KNL1: variants seen among roughly 807,000 people sequenced by gnomAD.
The protein encoded by KNL1 is outer kinetochore KNL1 complex subunit KNL1.
In KNL1, 66 loss-of-function variants were observed where a neutral mutation model predicts 201.3. That is an observed-to-expected ratio of 0.33 (90% CI 0.27 to 0.40). KNL1 has a LOEUF of 0.40. Ranked by LOEUF, KNL1 falls within the 10% of genes least tolerant of loss-of-function variation. KNL1 has a pLI of 1.00. For synonymous variants in KNL1, 895 were observed against 899.2 expected (o/e 1.00, Z 0.08); for missense variants, 2,815 against 2,690.5 (o/e 1.05, Z -1.02).
rs1210486298 is a variant in KNL1, at chr15:40,628,541, A to G, written c.5516-70A>G. 8.4e-6 allele frequency: 9 copies of G among 1,075,830 alleles called. No individual in the cohort carries two copies. The East Asian group carries it at 1.9e-4, about 23-fold the overall frequency. 66.6% of individuals were successfully genotyped at this position (1,075,830 alleles called of 1,614,324 possible). A position where few individuals can be genotyped will look rare whatever the true frequency, so the allele number is the denominator to read the frequency against. On this transcript the variant is annotated intron_variant, in intron 11 of 25. Transcript: ENST00000399668. ...TAGCTTCAGGATCAGAAACAATCTG[A>G]ATGATAACCACAATTAAGTTCACAG...
intron 13 of KNL1, 108 bp from the exon 14 acceptor site, chr15:40,640,804 T>C: frequency 2.8e-6 from 2 of 708,882 alleles, no homozygotes; most frequent in South Asian, 3.2e-5. Flanking sequence ...TATTCAAATT[T>C]TTCTTTGTAG....
intron 13 of KNL1, among the ~76,000 whole-genome samples, chr15:40,638,071 C>G (rs2056548047): frequency 6.6e-6 from 1 of 151,972 alleles, no homozygotes; most frequent in Admixed American, 6.6e-5. Flanking sequence ...GTCCCAGCTA[C>G]TCGGGAGACT....
chr15:40,617,336 T>G (rs142360486), intron 8 of KNL1, among the ~76,000 whole-genome samples: 2 of 152,152 alleles, frequency 1.3e-5, no homozygotes, highest in East Asian at 3.9e-4. Flanking sequence ...TTCACTTCAC[T>G]TAGTTTAACT....
chr15:40,622,628 A>G lies in KNL1; in HGVS notation c.2364A>G (p.Glu788=). The change falls in exon 10 of 26, where the codon GAA becomes GAG. Residue 788 remains glutamate, a synonymous_variant. Transcript: ENST00000399668. ...AAGAACTTGGTAAAACTAATTTAGA[A>G]CACACTACTGGCCAGCTAACAACAA... The part of the protein sequence containing the change: ...ELQELGKTNL[E]HTTGQLTTMN... The G allele has an allele frequency of 6.2e-7, 1 of 1,601,072 alleles. No homozygotes were observed. Among genetic ancestry groups the G allele is most frequent in the African/African-American group, 1.3e-5 (1 of 74,440 alleles).
chr15:40,625,792 G>C, intron 10 of KNL1, 152 bp downstream of exon 10: 2 of 592,702 alleles, frequency 3.4e-6, no homozygotes, highest in Non-Finnish European at 5.9e-6. Context: ...TTCTTATGTA[G>C]AACCTTCAGA....
intron 2 of KNL1, 57 bp downstream of exon 2, chr15:40,603,023 C>T: frequency 8.6e-7 from 1 of 1,163,908 alleles, no homozygotes; most frequent in Non-Finnish European, 1.3e-6. Flanking sequence ...AGATATTTTT[C>T]TAATTAGTAA....
intron 7 of KNL1, among the ~76,000 whole-genome samples, chr15:40,612,775 C>G (rs1303481190): frequency 6.6e-6 from 1 of 152,022 alleles, no homozygotes; most frequent in Non-Finnish European, 1.5e-5. Flanking sequence ...CTTTGGCCTC[C>G]TAAAGTGCTG....
At chr15:40,616,100 A>T (rs1892335590) in intron 8 of KNL1, among the ~76,000 whole-genome samples, 1 of 149,842 alleles carries the variant, frequency 6.7e-6, no homozygotes, top group African/African-American at 2.5e-5. Flanking sequence ...CTTCAATTTA[A>T]AATTTCACAG....
intron 13 of KNL1, among the ~76,000 whole-genome samples, chr15:40,640,098 C>CTTTTTTTTTTTTTTTTTTTTTCCTTTT (rs544723388): frequency 8.0e-6 from 1 of 124,506 alleles, no homozygotes; most frequent in Non-Finnish European, 1.7e-5. Context: ...TTTTTCTTTT[C>CTTTTTTTTTTTTTTTTTTTTTCCTTTT]TTTTTTTTTT....
chr15:40,644,991 T>C lies in KNL1; in HGVS notation c.5799-6T>C, dbSNP rs1311991425. On this transcript the variant is annotated splice_polypyrimidine_tract_variant and splice_region_variant and intron_variant, in intron 14 of 25. Transcript: ENST00000399668. ...TACAGTGCTAATTAACTTTTCCGTA[T>C]TTTAGATTAAAGCTTTCTGCATCGA... 1.9e-6 allele frequency: 3 copies of C among 1,600,868 alleles called. No individual in the cohort carries two copies. The South Asian group carries it at 3.3e-5, about 18-fold the overall frequency.
intron 7 of KNL1, 46 bp from the exon 8 acceptor site, chr15:40,615,295 G>T (rs749488178): frequency 3.6e-6 from 2 of 548,212 alleles, no homozygotes; most frequent in Non-Finnish European, 6.3e-6. Context: ...AAGATTCTTG[G>T]TAATTGTTTG....
At position 40,663,433 on chromosome 15, in the gene KNL1, ATGT is replaced by A. The variant is rs1459685639; in HGVS notation, c.*1250_*1252del. The A allele has an allele frequency of 2.2e-5, 4 of 183,872 alleles. No homozygotes were observed. Among genetic ancestry groups the A allele is most frequent in the Non-Finnish European group, 4.6e-5 (4 of 86,566 alleles). The allele number at this position is 183,872 out of a possible 1,614,324, so 11.4% of individuals were successfully genotyped here. On this transcript the variant is annotated 3_prime_UTR_variant, in exon 26 of 26. Transcript: ENST00000399668. ...CTAGTACATATATGTAAATATATTAATGTTGTTTTTGTGTTTGTGATGTAGTAA... is the reference window on the plus strand; with the variant it reads ...CTAGTACATATATGTAAATATATTAATGTTTTTGTGTTTGTGATGTAGTAA...
At chr15:40,616,151 T>A (rs926062611) in intron 8 of KNL1, among the ~76,000 whole-genome samples, 1 of 151,066 alleles carries the variant, frequency 6.6e-6, no homozygotes, top group African/African-American at 2.4e-5. Context: ...GAGATGAATT[T>A]TCATTCTTGT....
chr15:40,631,647 G>T (rs985981676), intron 13 of KNL1, among the ~76,000 whole-genome samples: 1 of 151,950 alleles, frequency 6.6e-6, no homozygotes, highest in Non-Finnish European at 1.5e-5. Flanking sequence ...CCACAAAAAA[G>T]ATAGGAAGAT....
chr15:40,623,001 G>T lies in KNL1; in HGVS notation c.2737G>T (p.Asp913Tyr). ...ETILYTCRQD[D>Y]MEITRSHTTA... is the part of the protein sequence containing the mutation. ...TATTTTATATACATGTAGGCAGGAT[G>T]ACATGGAGATCACTAGAAGTCACAC... Residue 913 changes from aspartate (D) to tyrosine (Y), a missense_variant, in exon 10 of 26, where the codon GAC (aspartate) becomes TAC (tyrosine). Physicochemically the swap from Asp to Tyr is radical, Grantham distance 160 (BLOSUM62 -3). Coordinates refer to ENST00000399668, the MANE Select transcript of KNL1 (RefSeq NM_144508.5). 1 of 1,613,932 alleles carries T rather than the reference G, an allele frequency of 6.2e-7. No individual in the cohort carries two copies. Among genetic ancestry groups the T allele is most frequent in the Non-Finnish European group, 8.5e-7 (1 of 1,179,850 alleles).
intron 7 of KNL1, among the ~76,000 whole-genome samples, chr15:40,614,606 T>C (rs185534463): frequency 6.6e-5 from 10 of 152,172 alleles, no homozygotes; most frequent in African/African-American, 2.4e-4. Flanking sequence ...CTTGCAGAAA[T>C]TTTTTTTGTA....
At position 40,622,255 on chromosome 15, in the gene KNL1, A is replaced by G. The variant is rs1470674611; in HGVS notation, c.1991A>G (p.Gln664Arg). The G allele has an allele frequency of 2.5e-6, 4 of 1,614,056 alleles. No homozygotes were observed. The highest frequency in any genetic ancestry group is 3.4e-6 in the Non-Finnish European group (4 of 1,179,958). ...TCTCCTCAGTCAGCTGATTGTAATC[A>G]GGAGATAGCAACAAGCCATAATATA... ...KDSPQSADCN[Q>R]EIATSHNIVY... is the part of the protein sequence containing the mutation. Residue 664 changes from glutamine to arginine, a missense_variant, in exon 10 of 26, where the codon CAG becomes CGG. Gln to Arg is a conservative substitution (Grantham distance 43). Transcript: ENST00000399668.
intron 5 of KNL1, 97 bp downstream of exon 5, chr15:40,609,005 T>G: frequency 1.3e-6 from 1 of 760,092 alleles, no homozygotes. Flanking sequence ...TCTGTTTTGA[T>G]TAAACATTAG....
chr15:40,657,357 G>A lies in KNL1; in HGVS notation c.6597G>A (p.Met2199Ile). 1 of 1,575,190 alleles carries A rather than the reference G, an allele frequency of 6.3e-7. No homozygotes were observed. Among genetic ancestry groups the A allele is most frequent in the Non-Finnish European group, 8.7e-7 (1 of 1,146,430 alleles). ...TCTTQHQLPK[M>I]LEEFSLVVHH... is the part of the protein sequence containing the mutation. The stretch of plus-strand genomic sequence containing the variant: ...ATTTTTTTTCCCACTTTTTCTAGAT[G>A]CTTGAAGAATTCTCACTGGTAGTGC... Residue 2199 changes from methionine (M) to isoleucine (I), a missense_variant and splice_region_variant, in exon 24 of 26, where the codon ATG (methionine) becomes ATA (isoleucine). By Grantham distance (10) the Met-to-Ile change is conservative (BLOSUM62 1). Coordinates refer to ENST00000399668, the MANE Select transcript of KNL1 (RefSeq NM_144508.5).
Sources: gnomAD v4.1 joint callset for allele counts (sites outside exome capture counted in the v4.1 genomes callset) on GRCh38, gnomAD v4.1.1 for gene constraint, MANE v1.5 for transcripts, NCBI Gene and HGNC (gene_info 2026-07-23, HGNC 2026-07-21) for gene names.